The following TENT2 variants were observed in gnomAD, a reference collection of about 807,000 sequenced individuals.
TENT2 encodes terminal nucleotidyltransferase 2, also known as poly(A) RNA polymerase GLD2.
Under a neutral mutation model 72.2 loss-of-function variants are expected in TENT2, and 44 were observed. The ratio of observed to expected loss-of-function variants is 0.61; its 90% CI spans 0.48 to 0.78. The LOEUF is 0.78. TENT2 is among the 30% of genes least tolerant of loss of function. The pLI, the probability that TENT2 is intolerant of heterozygous loss-of-function variation, is 0.00. For missense variants in TENT2, 541 were observed against 569.6 expected (o/e 0.95, Z 0.51); for synonymous variants, 212 against 192.5 (o/e 1.10, Z -0.84).
Position 79,649,180 on chromosome 5 carries a change from C to G in TENT2, c.1017C>G (p.His339Gln). 4 of 1,612,640 alleles carry G rather than the reference C, an allele frequency of 2.5e-6. No individual in the cohort carries two copies. Among genetic ancestry groups the G allele is most frequent in the Non-Finnish European group, 3.4e-6 (4 of 1,179,178 alleles). ...SSYSLVLMVLHYLQTLPEPIL... is the reference protein window; with the variant it reads ...SSYSLVLMVLQYLQTLPEPIL... Reference sequence around the variant, plus strand: ...ATAGTCTTGTATTGATGGTTTTGCACTATTTACAAAGTAAGTATAATGGGG... The same window carrying G: ...ATAGTCTTGTATTGATGGTTTTGCAGTATTTACAAAGTAAGTATAATGGGG... The change falls in exon 10 of 15, where the codon CAC becomes CAG. Residue 339 changes from histidine (H) to glutamine (Q), a missense_variant. His to Gln is a conservative substitution (Grantham distance 24). Coordinates refer to ENST00000453514, the MANE Select transcript of TENT2 (RefSeq NM_001114394.3).
chr5:79,634,281 AC>A (rs1778291402), intron 4 of TENT2, among the ~76,000 whole-genome samples: 1 of 152,120 alleles, frequency 6.6e-6, no homozygotes, highest in South Asian at 2.1e-4. Flanking sequence ...AGGACAAGTT[AC>A]AATATTTTTT....
chr5:79,627,665 A>C (rs1379409014), intron 4 of TENT2, among the ~76,000 whole-genome samples: 2 of 152,036 alleles, frequency 1.3e-5, no homozygotes, highest in Admixed American at 1.3e-4. Flanking sequence ...TTGTATTTTT[A>C]GTAGAGATGG....
intron 1 of TENT2, among the ~76,000 whole-genome samples, chr5:79,617,342 T>G (rs1327988285): frequency 6.6e-6 from 1 of 151,876 alleles, no homozygotes; most frequent in African/African-American, 2.4e-5. Context: ...ATATTCATTC[T>G]TTGTAAGAAT....
At chr5:79,667,539 T>TA (rs952686118) in intron 11 of TENT2, among the ~76,000 whole-genome samples, 1 of 152,104 alleles carries the variant, frequency 6.6e-6, no homozygotes, top group Non-Finnish European at 1.5e-5. Flanking sequence ...ACTTGAATCT[T>TA]AAAATGTAAT....
intron 4 of TENT2, among the ~76,000 whole-genome samples, chr5:79,635,766 G>C (rs1028089697): frequency 1.4e-4 from 21 of 152,284 alleles, no homozygotes; most frequent in African/African-American, 5.1e-4. Context: ...TTGTTGCTCA[G>C]GCTGGTCTTG....
intron 11 of TENT2, among the ~76,000 whole-genome samples, chr5:79,664,609 AAG>A (rs1491549296): frequency 2.6e-5 from 4 of 151,700 alleles, no homozygotes; most frequent in African/African-American, 4.8e-5. Context: ...AAAAAAAAAA[AAG>A]AGGTTAACAA....
In TENT2 at chr5:79,648,608, C is replaced by CTT; in HGVS notation, c.822-8_822-7dup. ...AAGTTTATTTATTTATTTATTTTTT[C>CTT]TTAAATAGTTGTGTGGAGTTTGACT... On this transcript the variant is annotated splice_polypyrimidine_tract_variant and intron_variant, in intron 8 of 14. Transcript: ENST00000453514. 6.6e-7 allele frequency: 1 copy of CTT among 1,516,812 alleles called. No homozygotes were observed. The highest frequency in any genetic ancestry group is 1.3e-5 in the South Asian group (1 of 79,212). The allele number at this position is 1,516,812 out of a possible 1,614,324, so 94.0% of individuals were successfully genotyped here. A position where few individuals can be genotyped will look rare whatever the true frequency, so the allele number is the denominator to read the frequency against.
chr5:79,677,105 A>G (rs2150857606), intron 12 of TENT2, among the ~76,000 whole-genome samples: 1 of 152,350 alleles, frequency 6.6e-6, no homozygotes, highest in South Asian at 2.1e-4. Context: ...TACAAAGAGT[A>G]TACAATTATA....
At chr5:79,672,899 G>T (rs1296753613) in intron 12 of TENT2, among the ~76,000 whole-genome samples, 5 of 152,118 alleles carry the variant, frequency 3.3e-5, no homozygotes, top group South Asian at 4.1e-4. Context: ...CTTCATAATG[G>T]TTGTACTAAT....
At position 79,679,650 on chromosome 5, in the gene TENT2, A is replaced by G; in HGVS notation, c.1280A>G (p.Asn427Ser). 1 of 1,595,232 alleles carries G rather than the reference A, an allele frequency of 6.3e-7. No homozygotes were observed. Among genetic ancestry groups the G allele is most frequent in the South Asian group, 1.1e-5 (1 of 87,314 alleles). Reference sequence around the variant, plus strand: ...AGGCCTGATGGTATTGAATGGAGAAATAAATACATCTGTGTAGAAGGTAGT... The same window carrying G: ...AGGCCTGATGGTATTGAATGGAGAAGTAAATACATCTGTGTAGAAGGTAGT... ...IPRPDGIEWR[N>S]KYICVEEPFD... is the part of the protein sequence containing the mutation. Residue 427 changes from asparagine (N) to serine (S), a missense_variant, in exon 13 of 15, where the codon AAT becomes AGT. Physicochemically the swap from Asn to Ser is conservative, Grantham distance 46 (BLOSUM62 1). Transcript: ENST00000453514.
In TENT2 at chr5:79,685,185, T is replaced by G. The variant is rs571372606; in HGVS notation, c.1381-14T>G. On this transcript the variant is annotated splice_polypyrimidine_tract_variant and intron_variant, in intron 14 of 14. Coordinates refer to ENST00000453514, the MANE Select transcript of TENT2 (RefSeq NM_001114394.3). ...AATTTTAGGTTTTAAGAATGATTTT[T>G]CTTTCTCTCCCAGTCATGGCACAGA... The G allele has an allele frequency of 1.3e-5, 21 of 1,586,482 alleles. No individual in the cohort carries two copies. The highest frequency in any genetic ancestry group is 6.0e-6 in the Non-Finnish European group (7 of 1,163,344).
At chr5:79,661,605 C>G (rs566589198) in intron 11 of TENT2, among the ~76,000 whole-genome samples, 1 of 152,262 alleles carries the variant, frequency 6.6e-6, no homozygotes, top group African/African-American at 2.4e-5. Flanking sequence ...TGTGCAATAG[C>G]ATTATGTCTA....
chr5:79,640,057 G>C (rs904821724), intron 4 of TENT2, among the ~76,000 whole-genome samples: 4 of 152,098 alleles, frequency 2.6e-5, no homozygotes, highest in Admixed American at 2.6e-4. Context: ...AGGGGTTCGA[G>C]AGCAGCCTGG....
At chr5:79,619,543 A>G in intron 1 of TENT2, 69 bp from the exon 2 acceptor site, 2 of 1,143,412 alleles carry the variant, frequency 1.7e-6, no homozygotes, top group Non-Finnish European at 2.4e-6. Flanking sequence ...GTTAGTGGAT[A>G]ATAGTTATCA....
chr5:79,652,844 A>G (rs56039711), intron 10 of TENT2, among the ~76,000 whole-genome samples: 30,837 of 151,830 alleles, frequency 0.2, 4,624 homozygotes, highest in African/African-American at 0.42. Flanking sequence ...TTACTTTATA[A>G]TATATGTTAC....
At chr5:79,625,360 T>A (rs953644891) in intron 4 of TENT2, among the ~76,000 whole-genome samples, 1 of 152,224 alleles carries the variant, frequency 6.6e-6, no homozygotes, top group East Asian at 1.9e-4. Context: ...CTTGTCTTTT[T>A]ACTTTCTTTT....
intron 11 of TENT2, among the ~76,000 whole-genome samples, chr5:79,659,553 A>AAAAAAATATATAT (rs1554086793): frequency 3.7e-5 from 1 of 26,858 alleles, no homozygotes; most frequent in African/African-American, 2.5e-4. Context: ...AAAAAAAAAA[A>AAAAAAATATATAT]ATGTATATAT....
chr5:79,612,965 T>C lies in TENT2; in HGVS notation c.-148T>C, dbSNP rs1431155703. On this transcript the variant is annotated 5_prime_UTR_variant, in exon 1 of 15. Coordinates refer to ENST00000453514, the MANE Select transcript of TENT2 (RefSeq NM_001114394.3). ...AGAATCTTAGGACCGCTTACTTTGCTTACTCGTTTTCTATTCCTCGCGTAC... is the reference window on the plus strand; with the variant it reads ...AGAATCTTAGGACCGCTTACTTTGCCTACTCGTTTTCTATTCCTCGCGTAC... 6.6e-6 allele frequency: 1 copy of C among 152,232 alleles called. No homozygotes were observed. Among genetic ancestry groups the C allele is most frequent in the African/African-American group, 2.4e-5 (1 of 41,434 alleles). 9.4% of individuals were successfully genotyped at this position (152,232 alleles called of 1,614,324 possible). A position where few individuals can be genotyped will look rare whatever the true frequency, so the allele number is the denominator to read the frequency against.
intron 4 of TENT2, among the ~76,000 whole-genome samples, chr5:79,635,216 T>A (rs967304090): frequency 1.3e-5 from 2 of 152,182 alleles, no homozygotes; most frequent in Non-Finnish European, 2.9e-5. Flanking sequence ...ACCAGAAATG[T>A]TGTTTCAACA....
Sources: allele counts gnomAD v4.1 joint callset (sites outside exome capture counted in the v4.1 genomes callset), GRCh38; gene constraint gnomAD v4.1.1; transcripts MANE v1.5; gene names NCBI Gene and HGNC (gene_info 2026-07-23, HGNC 2026-07-21).